CHRM3: variants seen among roughly 807,000 people sequenced by gnomAD.
CHRM3 encodes muscarinic acetylcholine receptor M3.
In CHRM3, 11 loss-of-function variants were observed where a neutral mutation model predicts 41.8. The observed-to-expected ratio is 0.26, with a 90% CI of 0.17 to 0.44. The LOEUF is 0.44. Among genes scored for constraint, CHRM3 ranks in the 20% least tolerant of loss-of-function variants. The pLI, the probability that CHRM3 is intolerant of heterozygous loss-of-function variation, is 1.00. For missense variants in CHRM3, 571 were observed against 745.4 expected (o/e 0.77, Z 2.72); for synonymous variants, 297 against 301.4 (o/e 0.99, Z 0.15).
intron 1 of CHRM3, among the ~76,000 whole-genome samples, chr1:239,447,862 T>G (rs2103299370): frequency 6.6e-6 from 1 of 152,358 alleles, no homozygotes; most frequent in Non-Finnish European, 1.5e-5. Flanking sequence ...AATTAGGATA[T>G]TTTTCTCAGC....
chr1:239,527,210 T>C (rs1397258055), intron 2 of CHRM3, among the ~76,000 whole-genome samples: 3 of 152,204 alleles, frequency 2.0e-5, no homozygotes, highest in African/African-American at 7.2e-5. Context: ...AAACAGTTAC[T>C]GTATTTATCC....
intron 5 of CHRM3, among the ~76,000 whole-genome samples, chr1:239,756,867 T>A (rs1157527838): frequency 1.3e-5 from 2 of 152,254 alleles, no homozygotes; most frequent in Non-Finnish European, 2.9e-5. Flanking sequence ...CTTTGCATAA[T>A]AATTTTGCAC....
chr1:239,702,570 G>A (rs1660783698), intron 5 of CHRM3, among the ~76,000 whole-genome samples: 1 of 152,160 alleles, frequency 6.6e-6, no homozygotes, highest in Non-Finnish European at 1.5e-5. Flanking sequence ...TTAACTTAAT[G>A]TCTACCATTT....
chr1:239,433,588 T>C (rs938431857), intron 1 of CHRM3, among the ~76,000 whole-genome samples: 26 of 152,256 alleles, frequency 1.7e-4, no homozygotes, highest in African/African-American at 6.0e-4. Flanking sequence ...GAACCCAATT[T>C]GTAGTCTTTT....
intron 4 of CHRM3, among the ~76,000 whole-genome samples, chr1:239,664,539 C>T (rs1331607394): frequency 6.6e-6 from 1 of 151,954 alleles, no homozygotes; most frequent in Non-Finnish European, 1.5e-5. Context: ...TTTCTCTTAC[C>T]CCTCATCTTG....
At chr1:239,579,846 G>A (rs1053531670) in intron 3 of CHRM3, among the ~76,000 whole-genome samples, 4 of 152,036 alleles carry the variant, frequency 2.6e-5, no homozygotes, top group African/African-American at 9.7e-5. Flanking sequence ...TATAAGGCAG[G>A]TACTTCACAA....
chr1:239,688,705 TATAATAC>T (rs1159264612), intron 5 of CHRM3, among the ~76,000 whole-genome samples: 2 of 133,564 alleles, frequency 1.5e-5, no homozygotes, highest in African/African-American at 5.7e-5. Context: ...TAATATTATA[TATAATAC>T]ATTATTCAAT....
At chr1:239,581,933 A>C (rs748300059) in intron 3 of CHRM3, among the ~76,000 whole-genome samples, 3 of 152,176 alleles carry the variant, frequency 2.0e-5, no homozygotes, top group Non-Finnish European at 2.9e-5. Flanking sequence ...TTATGGTATC[A>C]TTATTTGTAG....
At chr1:239,777,536 A>T (rs766972247) in intron 5 of CHRM3, among the ~76,000 whole-genome samples, 5 of 152,226 alleles carry the variant, frequency 3.3e-5, no homozygotes, top group Non-Finnish European at 4.4e-5. Context: ...AATCTATCAC[A>T]TCTAGGTAAA....
At chr1:239,712,564 C>T (rs1030443057) in intron 5 of CHRM3, among the ~76,000 whole-genome samples, 1 of 152,138 alleles carries the variant, frequency 6.6e-6, no homozygotes, top group Admixed American at 6.6e-5. Flanking sequence ...AAATACTTTA[C>T]CTTTTAACCA....
intron 1 of CHRM3, among the ~76,000 whole-genome samples, chr1:239,433,105 C>G (rs1662956357): frequency 6.6e-6 from 1 of 152,104 alleles, no homozygotes; most frequent in Non-Finnish European, 1.5e-5. Flanking sequence ...ACCCTGAATC[C>G]CAAACTCAAA....
intron 1 of CHRM3, among the ~76,000 whole-genome samples, chr1:239,465,656 T>C (rs999744145): frequency 6.6e-6 from 1 of 152,178 alleles, no homozygotes; most frequent in Non-Finnish European, 1.5e-5. Context: ...TTCTCCACTT[T>C]CGTATCTTCG....
At chr1:239,678,321 T>A (rs1483722725) in intron 5 of CHRM3, 33 bp downstream of exon 5, 1 of 152,204 alleles carries the variant, frequency 6.6e-6, no homozygotes, top group Non-Finnish European at 1.5e-5. Context: ...ATTACTGACA[T>A]TTTTGAATCA....
intron 5 of CHRM3, among the ~76,000 whole-genome samples, chr1:239,820,043 G>T (rs1038130956): frequency 1.3e-5 from 2 of 152,150 alleles, no homozygotes; most frequent in Admixed American, 6.6e-5. Flanking sequence ...GAGAGCTCCA[G>T]GGTAATTCAC....
chr1:239,458,889 C>A (rs564919999), intron 1 of CHRM3, among the ~76,000 whole-genome samples: 10,117 of 48,460 alleles, frequency 0.21, 452 homozygotes, highest in Middle Eastern at 0.39. Context: ...AATGGGAGAC[C>A]CCCCCCCATC....
At chr1:239,693,330 T>G (rs1180169474) in intron 5 of CHRM3, among the ~76,000 whole-genome samples, 1 of 152,044 alleles carries the variant, frequency 6.6e-6, no homozygotes, top group Non-Finnish European at 1.5e-5. Context: ...TAGGAGGTAA[T>G]AAAGCATAAA....
rs1558238341 is a variant in CHRM3 at position 239,911,923 on chromosome 1, A to G, written c.*2699A>G. The G allele has an allele frequency of 6.0e-6, 1 of 167,034 alleles. No individual in the cohort carries two copies. The highest frequency in any genetic ancestry group is 6.5e-5 in the Admixed American group (1 of 15,274). The allele number at this position is 167,034 out of a possible 1,614,324, so 10.3% of individuals were successfully genotyped here. A position where few individuals can be genotyped will look rare whatever the true frequency, so the allele number is the denominator to read the frequency against. ...AGATGTAGTGAGTATTTATAATTGG[A>G]CCTTAGTTACACGTGCATTTCTCAA... On this transcript the variant is annotated 3_prime_UTR_variant, in exon 7 of 7. Transcript: ENST00000676153.
chr1:239,756,127 G>A (rs1482554818), intron 5 of CHRM3, among the ~76,000 whole-genome samples: 1 of 152,154 alleles, frequency 6.6e-6, no homozygotes, highest in African/African-American at 2.4e-5. Flanking sequence ...GGTACTGTAT[G>A]TATTATGGCA....
chr1:239,462,883 G>T (rs1168048895), intron 1 of CHRM3, among the ~76,000 whole-genome samples: 1 of 152,024 alleles, frequency 6.6e-6, no homozygotes, highest in Non-Finnish European at 1.5e-5. Context: ...AATCAATTTC[G>T]GACATTTGTT....
Sources: allele counts gnomAD v4.1 joint callset (sites outside exome capture counted in the v4.1 genomes callset), GRCh38; gene constraint gnomAD v4.1.1; transcripts MANE v1.5; gene names NCBI Gene and HGNC (gene_info 2026-07-23, HGNC 2026-07-21).